ARHGAP20: variants seen among roughly 807,000 people sequenced by gnomAD.
The protein encoded by ARHGAP20 is Rho GTPase activating protein 20.
A neutral mutation model predicts 73.7 loss-of-function variants in ARHGAP20; 34 were observed. The observed-to-expected ratio is 0.46, with a 90% CI of 0.35 to 0.61. The LOEUF (loss-of-function observed/expected upper bound fraction) is 0.61. ARHGAP20 is among the 20% of genes least tolerant of loss of function. The pLI, the probability that ARHGAP20 is intolerant of heterozygous loss-of-function variation, is 0.00. For synonymous variants in ARHGAP20, 523 were observed against 518.2 expected (o/e 1.01, Z -0.13); for missense variants, 1,314 against 1,420.9 (o/e 0.92, Z 1.21).
chr11:110,595,393 C>T (rs1947931648), intron 9 of ARHGAP20, among the ~76,000 whole-genome samples: 1 of 152,108 alleles, frequency 6.6e-6, no homozygotes, highest in Non-Finnish European at 1.5e-5. Context: ...TCTAGAAAAC[C>T]CCATGGTCTC....
At chr11:110,603,370 T>C (rs1948152505) in intron 9 of ARHGAP20, among the ~76,000 whole-genome samples, 2 of 152,194 alleles carry the variant, frequency 1.3e-5, no homozygotes, top group Admixed American at 1.3e-4. Flanking sequence ...GTTTTTGCTG[T>C]AGATATGATG....
Position 110,590,759 on chromosome 11 carries a change from GA to G in ARHGAP20, c.1193del (p.Phe398SerfsTer7). On this transcript the variant is annotated frameshift_variant, in exon 11 of 15. Transcript: ENST00000683387. LOFTEE classifies it high-confidence loss of function. ...NQKGPLTKGIFRQSANVKSCR... is the reference protein window; with the variant it reads ...NQKGPLTKGIXRQSANVKSCR... ...AGGATTTCACATTGGCTGATTGCCT[GA>G]AGATACCTTTGGTGAGAGGTCCTTT... is the stretch of plus-strand genomic sequence containing the variant. The G allele has an allele frequency of 1.2e-6, 2 of 1,614,018 alleles. No individual in the cohort carries two copies. The highest frequency in any genetic ancestry group is 1.7e-6 in the Non-Finnish European group (2 of 1,179,994).
chr11:110,584,915 A>G (rs946761604), intron 12 of ARHGAP20, among the ~76,000 whole-genome samples: 3 of 148,336 alleles, frequency 2.0e-5, no homozygotes, highest in East Asian at 4.0e-4. Flanking sequence ...GAATATATAT[A>G]TGAATATATA....
chr11:110,601,652 AAAG>A (rs942336589), intron 9 of ARHGAP20, among the ~76,000 whole-genome samples: 2 of 152,200 alleles, frequency 1.3e-5, no homozygotes, highest in African/African-American at 4.8e-5. Flanking sequence ...AAAAAATTCA[AAAG>A]AATAATATGT....
intron 1 of ARHGAP20, among the ~76,000 whole-genome samples, chr11:110,702,807 C>T (rs1209959278): frequency 2.6e-5 from 4 of 152,026 alleles, no homozygotes; most frequent in Non-Finnish European, 5.9e-5. Flanking sequence ...GAATAAAATA[C>T]CTAGGAATCC....
intron 14 of ARHGAP20, among the ~76,000 whole-genome samples, chr11:110,581,960 C>T (rs1947483906): frequency 6.6e-6 from 1 of 150,734 alleles, no homozygotes; most frequent in Non-Finnish European, 1.5e-5. Context: ...ATTCATGCCT[C>T]TACTACCTCT....
intron 6 of ARHGAP20, among the ~76,000 whole-genome samples, chr11:110,612,816 A>G (rs906715570): frequency 2.0e-5 from 3 of 152,224 alleles, no homozygotes; most frequent in African/African-American, 7.2e-5. Context: ...AGCATTTAAA[A>G]TGCACAATTT....
intron 2 of ARHGAP20, among the ~76,000 whole-genome samples, chr11:110,646,941 A>G (rs1029792738): frequency 6.6e-6 from 1 of 152,118 alleles, no homozygotes; most frequent in African/African-American, 2.4e-5. Flanking sequence ...CATAACAGAT[A>G]CTTGTTCAAG....
chr11:110,640,149 T>A (rs1404756378), intron 2 of ARHGAP20, among the ~76,000 whole-genome samples: 1 of 152,012 alleles, frequency 6.6e-6, no homozygotes, highest in Non-Finnish European at 1.5e-5. Context: ...AAAAATAAAA[T>A]TTTTTAACTC....
Position 110,592,013 on chromosome 11 carries a change from A to G in ARHGAP20, c.1107T>C (p.Asn369=). 6.2e-7 allele frequency: 1 copy of G among 1,614,134 alleles called. No individual in the cohort carries two copies. The highest frequency in any genetic ancestry group is 8.5e-7 in the Non-Finnish European group (1 of 1,179,992). Residue 369 remains asparagine (N), a synonymous_variant, in exon 10 of 15, where the codon AAT becomes AAC. Coordinates refer to ENST00000683387, the MANE Select transcript of ARHGAP20 (RefSeq NM_001384657.1). ...PGQLFGISLP[N]ICENDNLPKP... ...TGGGCAGATTGTCATTCTCACAAAT[A>G]TTTGGCAGAGAAATTCCAAAGAGCT...
chr11:110,703,527 A>C (rs1267569631), intron 1 of ARHGAP20, among the ~76,000 whole-genome samples: 3 of 151,808 alleles, frequency 2.0e-5, no homozygotes, highest in Non-Finnish European at 4.4e-5. Flanking sequence ...TCATTCATAT[A>C]TATTCATTCA....
intron 1 of ARHGAP20, among the ~76,000 whole-genome samples, chr11:110,709,344 T>C (rs1950605088): frequency 6.6e-6 from 1 of 152,196 alleles, no homozygotes; most frequent in Admixed American, 6.5e-5. Context: ...AAATCTAATA[T>C]ATAGCAGACA....
intron 9 of ARHGAP20, among the ~76,000 whole-genome samples, chr11:110,592,383 T>A (rs577813375): frequency 6.6e-5 from 10 of 152,298 alleles, no homozygotes; most frequent in African/African-American, 2.4e-4. Flanking sequence ...TCTTCTCCCA[T>A]CCAGTTTTTG....
At chr11:110,638,950 T>C (rs1489536650) in intron 2 of ARHGAP20, among the ~76,000 whole-genome samples, 2 of 151,968 alleles carry the variant, frequency 1.3e-5, no homozygotes, top group African/African-American at 4.8e-5. Flanking sequence ...TGAATACATA[T>C]GTAACTAACC....
Position 110,606,689 on chromosome 11 carries a change from G to A in ARHGAP20, c.836C>T (p.Pro279Leu), listed in dbSNP as rs1207699517. The A allele has an allele frequency of 4.2e-5, 68 of 1,601,788 alleles. No homozygotes were observed. Among genetic ancestry groups the A allele is most frequent in the Middle Eastern group, 1.7e-4 (1 of 5,946 alleles). Residue 279 changes from proline to leucine, a missense_variant, in exon 9 of 15, where the codon CCG becomes CTG. This residue lies in a region of ARHGAP20 where 443 missense variants were observed against 466.4 expected (regional missense o/e 0.95). Coordinates refer to ENST00000683387, the MANE Select transcript of ARHGAP20 (RefSeq NM_001384657.1). ...SHLRDSALLT[P>L]GSKDSTTPFN... ...AGGGGTGGTAGAGTCCTTTGATCCC[G>A]GTGTCAGGAGTGCAGAGTCTCGAAG...
rs189616453 is a variant in ARHGAP20, at chr11:110,703,690, C to A, written c.105+8437G>T. On this transcript the variant is annotated intron_variant, in intron 1 of 14. Coordinates refer to ENST00000683387, the MANE Select transcript of ARHGAP20 (RefSeq NM_001384657.1). ...CTTTGTTTCCTTGCCTCCATCCCCA[C>A]ACATGCAGGATTCTGGAGCATCACT... Among the ~76,000 whole-genome samples, 30 of 152,224 alleles carry A rather than the reference C, an allele frequency of 2.0e-4. 1 individual carries two copies. The highest frequency in any genetic ancestry group is 7.0e-4 in the African/African-American group (29 of 41,552).
At chr11:110,598,684 A>T (rs1948033732) in intron 9 of ARHGAP20, among the ~76,000 whole-genome samples, 1 of 152,150 alleles carries the variant, frequency 6.6e-6, no homozygotes, top group South Asian at 2.1e-4. Context: ...GGCTGTCTGG[A>T]GTGGCTGCTG....
chr11:110,589,632 C>A, intron 11 of ARHGAP20: 1 of 985,404 alleles, frequency 1.0e-6, no homozygotes, highest in Non-Finnish European at 1.2e-6. Context: ...CTCATTTTGA[C>A]TGTAGGTGTT....
intron 1 of ARHGAP20, among the ~76,000 whole-genome samples, chr11:110,708,450 A>G (rs1950588972): frequency 7.3e-6 from 1 of 137,412 alleles, no homozygotes; most frequent in African/African-American, 2.9e-5. Flanking sequence ...TGTTCACAGC[A>G]GTTTTGTGAT....
Sources: allele counts gnomAD v4.1 joint callset (sites outside exome capture counted in the v4.1 genomes callset), GRCh38; gene constraint gnomAD v4.1.1; regional missense constraint gnomAD v4.1.1; transcripts MANE v1.5; gene names NCBI Gene and HGNC (gene_info 2026-07-23, HGNC 2026-07-21).